The following CDH12 variants were observed in gnomAD, a reference collection of about 807,000 sequenced individuals.
CDH12 encodes the protein cadherin 12, also known as cadherin-12.
Under a neutral mutation model 74.1 loss-of-function variants are expected in CDH12, and 41 were observed. The ratio of observed to expected loss-of-function variants is 0.55; its 90% CI spans 0.43 to 0.72. The LOEUF (loss-of-function observed/expected upper bound fraction) is 0.72, where lower values mean the gene tolerates loss of function less well. Ranked by LOEUF, CDH12 falls within the 30% of genes least tolerant of loss-of-function variation. The pLI is 0.00. For synonymous variants in CDH12, 399 were observed against 355.0 expected (o/e 1.12, Z -1.39); for missense variants, 945 against 977.2 (o/e 0.97, Z 0.44).
chr5:22,635,248 A>T (rs1170393041), intron 1 of CDH12, among the ~76,000 whole-genome samples: 1 of 152,156 alleles, frequency 6.6e-6, no homozygotes, highest in Admixed American at 6.5e-5. Context: ...ATGGGGACAC[A>T]ATTTTCTTTT....
chr5:22,571,838 T>C (rs749889274), intron 1 of CDH12, among the ~76,000 whole-genome samples: 24 of 152,160 alleles, frequency 1.6e-4, no homozygotes, highest in Non-Finnish European at 1.9e-4. Context: ...AAGTTTGCCA[T>C]ACCGTGGGCA....
chr5:21,755,693 CAG>C lies in CDH12; in HGVS notation c.1781_1782del (p.Ser594Ter). Reference protein sequence around the residue: ...TMTIRVCRCDSDGTILSCNVE... With the variant: ...TMTIRVCRCDXDGTILSCNVE... The stretch of plus-strand genomic sequence containing the variant: ...ACATTACAAGACAGGATGGTGCCAT[CAG>C]AGTCACATCTACAGACTCGAATAGT... On this transcript the variant is annotated frameshift_variant, in exon 14 of 15. Transcript: ENST00000382254. LOFTEE classifies it high-confidence loss of function. The C allele has an allele frequency of 1.2e-6, 2 of 1,614,114 alleles. No homozygotes were observed. Among genetic ancestry groups the C allele is most frequent in the Non-Finnish European group, 1.7e-6 (2 of 1,180,002 alleles).
At chr5:22,126,465 A>G (rs1745876863) in intron 4 of CDH12, among the ~76,000 whole-genome samples, 2 of 152,224 alleles carry the variant, frequency 1.3e-5, no homozygotes. Context: ...AAGTCATGAA[A>G]GGCCCTGGTG....
intron 3 of CDH12, among the ~76,000 whole-genome samples, chr5:22,319,852 G>C (rs1166192383): frequency 6.6e-6 from 1 of 151,780 alleles, no homozygotes; most frequent in Non-Finnish European, 1.5e-5. Flanking sequence ...GAAGGAAGAG[G>C]AGGGAGAGAG....
chr5:21,913,335 A>T (rs1051840051), intron 6 of CDH12, among the ~76,000 whole-genome samples: 4 of 151,928 alleles, frequency 2.6e-5, no homozygotes, highest in African/African-American at 7.3e-5. Context: ...AATCATCACA[A>T]TTTTTTTTAA....
chr5:22,078,103 A>T (rs1350829499), intron 5 of CDH12, among the ~76,000 whole-genome samples: 2 of 152,110 alleles, frequency 1.3e-5, no homozygotes, highest in African/African-American at 4.8e-5. Context: ...AATAAAAATG[A>T]TATAACTATA....
At chr5:21,861,987 G>T (rs181924647) in intron 6 of CDH12, among the ~76,000 whole-genome samples, 1 of 151,156 alleles carries the variant, frequency 6.6e-6, no homozygotes, top group East Asian at 1.9e-4. Context: ...TCTATCTGTT[G>T]AAAGGTTAAT....
chr5:21,853,250 G>A (rs1319939590), intron 7 of CDH12, among the ~76,000 whole-genome samples: 1 of 151,378 alleles, frequency 6.6e-6, no homozygotes, highest in African/African-American at 2.4e-5. Context: ...TTCTCATCAT[G>A]CACTCACTTT....
At chr5:22,523,530 A>T (rs2126689368) in intron 1 of CDH12, among the ~76,000 whole-genome samples, 1 of 152,328 alleles carries the variant, frequency 6.6e-6, no homozygotes, top group Admixed American at 6.5e-5. Flanking sequence ...TTTTGCAAAT[A>T]TCAAATATTT....
chr5:22,497,125 C>A (rs531790787), intron 2 of CDH12, among the ~76,000 whole-genome samples: 12 of 152,250 alleles, frequency 7.9e-5, no homozygotes, highest in African/African-American at 2.9e-4. Flanking sequence ...ATACTAAAAT[C>A]ATAGAATAAC....
intron 3 of CDH12, among the ~76,000 whole-genome samples, chr5:22,399,220 ATC>A (rs1742602388): frequency 6.6e-6 from 1 of 151,760 alleles, no homozygotes; most frequent in African/African-American, 2.4e-5. Context: ...CTATCTATCT[ATC>A]TATCTATCTA....
chr5:22,806,877 T>C (rs1163652541), intron 1 of CDH12, among the ~76,000 whole-genome samples: 1 of 152,202 alleles, frequency 6.6e-6, no homozygotes, highest in Non-Finnish European at 1.5e-5. Flanking sequence ...TATTAGCCCT[T>C]TGTCAGATGG....
At chr5:21,832,158 A>G (rs1354990518) in intron 8 of CDH12, among the ~76,000 whole-genome samples, 2 of 152,102 alleles carry the variant, frequency 1.3e-5, no homozygotes, top group East Asian at 1.9e-4. Context: ...TTTTGCTCAT[A>G]TGCTAGGTTC....
chr5:22,443,405 T>C (rs1014461205), intron 2 of CDH12, among the ~76,000 whole-genome samples: 1 of 152,124 alleles, frequency 6.6e-6, no homozygotes, highest in East Asian at 1.9e-4. Context: ...TAAACTATCA[T>C]GAAATTTAAA....
chr5:22,478,417 CAAAAAA>C (rs34576542), intron 2 of CDH12, among the ~76,000 whole-genome samples: 3 of 88,508 alleles, frequency 3.4e-5, no homozygotes, highest in Non-Finnish European at 6.2e-5. Flanking sequence ...GACTCCGTCT[CAAAAAA>C]AAAAAAAAAA....
chr5:21,998,928 AT>A (rs1736448266), intron 5 of CDH12, among the ~76,000 whole-genome samples: 1 of 152,144 alleles, frequency 6.6e-6, no homozygotes, highest in Non-Finnish European at 1.5e-5. Flanking sequence ...TGCATGTTTA[AT>A]TGTTTTAAAA....
At chr5:22,288,634 T>C (rs1737258432) in intron 3 of CDH12, among the ~76,000 whole-genome samples, 1 of 152,188 alleles carries the variant, frequency 6.6e-6, no homozygotes, top group Non-Finnish European at 1.5e-5. Flanking sequence ...TGTCTCTGAG[T>C]AAGTTGCTGA....
chr5:22,701,268 T>C (rs1742699955), intron 1 of CDH12, among the ~76,000 whole-genome samples: 1 of 152,092 alleles, frequency 6.6e-6, no homozygotes, highest in African/African-American at 2.4e-5. Flanking sequence ...TATCAGCAAA[T>C]TGCACCCTCA....
At chr5:22,781,377 A>G (rs989734346) in intron 1 of CDH12, among the ~76,000 whole-genome samples, 2 of 152,212 alleles carry the variant, frequency 1.3e-5, no homozygotes, top group Admixed American at 6.5e-5. Context: ...GGGGCACAGG[A>G]TAAGTATAAT....
Sources: gnomAD v4.1 joint callset for allele counts (sites outside exome capture counted in the v4.1 genomes callset) on GRCh38, gnomAD v4.1.1 for gene constraint, MANE v1.5 for transcripts, NCBI Gene and HGNC (gene_info 2026-07-23, HGNC 2026-07-21) for gene names.